The following MTFR1 variants were observed in gnomAD, a reference collection of about 807,000 sequenced individuals.
MTFR1 encodes chondrocyte protein with a poly-proline region.
MTFR1 carries 28 observed loss-of-function variants against 38.8 expected under a neutral mutation model. The observed-to-expected ratio is 0.72, with a 90% confidence interval of 0.53 to 0.99. MTFR1 has a LOEUF of 0.99. Ranked by LOEUF, MTFR1 falls within the 50% of genes least tolerant of loss-of-function variation. The pLI, the probability that MTFR1 is intolerant of heterozygous loss-of-function variation, is 0.00. For synonymous variants in MTFR1, 145 were observed against 137.0 expected (o/e 1.06, Z -0.41); for missense variants, 358 against 395.5 (o/e 0.91, Z 0.81).
At chr8:65,730,193 T>C (rs1351409926) in intron 3 of MTFR1, among the ~76,000 whole-genome samples, 5 of 137,076 alleles carry the variant, frequency 3.6e-5, no homozygotes, top group African/African-American at 1.4e-4. Flanking sequence ...TTTTTTTTTT[T>C]TTTTGAGATG....
chr8:65,680,604 G>A (rs1201200004), intron 2 of MTFR1, among the ~76,000 whole-genome samples: 1 of 152,126 alleles, frequency 6.6e-6, no homozygotes, highest in Non-Finnish European at 1.5e-5. Context: ...AGGTTTTGGA[G>A]CCTCCACTGT....
intron 1 of MTFR1, among the ~76,000 whole-genome samples, chr8:65,654,752 AT>A (rs1362688185): frequency 4.6e-5 from 7 of 151,994 alleles, no homozygotes; most frequent in Non-Finnish European, 1.0e-4. Flanking sequence ...TAATTTTTAA[AT>A]TTTTTGTAGA....
intron 3 of MTFR1, among the ~76,000 whole-genome samples, chr8:65,757,049 G>A (rs944743187): frequency 6.6e-6 from 1 of 152,168 alleles, no homozygotes; most frequent in African/African-American, 2.4e-5. Flanking sequence ...TCAGCTATGT[G>A]GAGGCTCCCT....
intron 3 of MTFR1, among the ~76,000 whole-genome samples, chr8:65,739,902 T>C (rs765181161): frequency 5.3e-5 from 8 of 152,158 alleles, no homozygotes; most frequent in Non-Finnish European, 7.4e-5. Flanking sequence ...TAGAAAACTT[T>C]AAAAATTGTC....
At chr8:65,724,182 A>C in intron 3 of MTFR1, 1 of 892,506 alleles carries the variant, frequency 1.1e-6, no homozygotes, top group Non-Finnish European at 1.9e-6. Flanking sequence ...TAAATTATTG[A>C]GTTATTTTAT....
chr8:65,677,384 CTTT>C (rs771296415), intron 2 of MTFR1, among the ~76,000 whole-genome samples: 2 of 104,670 alleles, frequency 1.9e-5, no homozygotes, highest in Non-Finnish European at 2.0e-5. Context: ...TTAGCTGTTT[CTTT>C]TTTTTTTTTT....
chr8:65,745,987 G>A (rs1456482895), intron 3 of MTFR1, among the ~76,000 whole-genome samples: 1 of 152,070 alleles, frequency 6.6e-6, no homozygotes, highest in Admixed American at 6.5e-5. Context: ...GAATGCAGTG[G>A]CACAAACAAG....
intron 2 of MTFR1, among the ~76,000 whole-genome samples, chr8:65,670,486 G>C (rs1585760720): frequency 6.6e-6 from 1 of 152,154 alleles, no homozygotes; most frequent in African/African-American, 2.4e-5. Context: ...TTCTATGCTA[G>C]AGATATTAGT....
At chr8:65,747,604 A>G in intron 3 of MTFR1, 1 of 1,265,592 alleles carries the variant, frequency 7.9e-7, no homozygotes, top group Non-Finnish European at 1.1e-6. Flanking sequence ...AAAGGCCTTC[A>G]GTAAACTTAT....
At chr8:65,724,351 T>C (rs1351586159) in intron 3 of MTFR1, 1 of 1,606,786 alleles carries the variant, frequency 6.2e-7, no homozygotes, top group Non-Finnish European at 8.5e-7. Flanking sequence ...TTCAAAGCCA[T>C]CTAGCAAACA....
chr8:65,774,820 G>T (rs74815707), downstream of MTFR1, among the ~76,000 whole-genome samples: 38 of 151,848 alleles, frequency 2.5e-4, no homozygotes, highest in African/African-American at 8.9e-4. Context: ...AGAAACGTCC[G>T]GCTGTTTCTC....
chr8:65,699,765 C>T (rs967644776), intron 4 of MTFR1, among the ~76,000 whole-genome samples: 1 of 152,182 alleles, frequency 6.6e-6, no homozygotes, highest in Non-Finnish European at 1.5e-5. Context: ...GGAATCTACC[C>T]TTCTGTGTTT....
At chr8:65,668,633 C>A (rs1241866578) in intron 1 of MTFR1, among the ~76,000 whole-genome samples, 1 of 151,084 alleles carries the variant, frequency 6.6e-6, no homozygotes, top group Non-Finnish European at 1.5e-5. Context: ...CCTGCCCCAG[C>A]CTCCCAAGTA....
At chr8:65,662,786 C>G in intron 1 of MTFR1, among the ~76,000 whole-genome samples, 1 of 150,512 alleles carries the variant, frequency 6.6e-6, no homozygotes, top group Non-Finnish European at 1.5e-5. Context: ...CTCCGCCCAG[C>G]AGCCACCCCG....
intron 2 of MTFR1, among the ~76,000 whole-genome samples, chr8:65,676,824 C>T (rs1804720867): frequency 6.6e-6 from 1 of 152,116 alleles, no homozygotes; most frequent in Non-Finnish European, 1.5e-5. Flanking sequence ...CAGATTCCAG[C>T]CTCACACGTC....
intron 3 of MTFR1, among the ~76,000 whole-genome samples, chr8:65,730,399 C>T (rs187428811): frequency 8.4e-4 from 127 of 151,512 alleles, no homozygotes; most frequent in African/African-American, 1.7e-3. Flanking sequence ...AGGCTGGTCT[C>T]GAACTCCCAA....
intron 3 of MTFR1, among the ~76,000 whole-genome samples, chr8:65,766,918 G>C (rs532928421): frequency 6.6e-6 from 1 of 152,138 alleles, no homozygotes; most frequent in Non-Finnish European, 1.5e-5. Flanking sequence ...GAGAGTTGAG[G>C]AAGTTTCTCA....
In MTFR1 at chr8:65,734,976, C is replaced by T. The variant is rs1807063357; in HGVS notation, c.*48+15495C>T. 17 of 854,214 alleles carry T rather than the reference C, an allele frequency of 2.0e-5. 1 individual carries two copies. In the South Asian group the frequency reaches 2.3e-4, roughly 12 times the overall value. 52.9% of individuals were successfully genotyped at this position (854,214 alleles called of 1,614,324 possible). On this transcript the variant is annotated intron_variant, in intron 3 of 3. Coordinates refer to the MTFR1 transcript ENST00000521247. ...AAAAATTGTGATAATTATGAGTTACCCACTCATACTTTTCATGTAGCTATC... is the reference window on the plus strand; with the variant it reads ...AAAAATTGTGATAATTATGAGTTACTCACTCATACTTTTCATGTAGCTATC...
intron 1 of MTFR1, among the ~76,000 whole-genome samples, chr8:65,645,966 A>G (rs915700335): frequency 1.3e-5 from 2 of 152,242 alleles, no homozygotes; most frequent in East Asian, 1.9e-4. Context: ...TAAGGGACAT[A>G]TTAAAGTGTA....
Sources: gnomAD v4.1 joint callset for allele counts (sites outside exome capture counted in the v4.1 genomes callset) on GRCh38, gnomAD v4.1.1 for gene constraint, MANE v1.5 for transcripts, NCBI Gene and HGNC (gene_info 2026-07-23, HGNC 2026-07-21) for gene names.